Variants in PHF19 observed in about 807,000 individuals in gnomAD.
PHF19 encodes the protein PHD finger protein 19, also known as polycomb like 3.
In PHF19, 21 loss-of-function variants were observed where a neutral mutation model predicts 79.8. The ratio of observed to expected loss-of-function variants is 0.26; its 90% confidence interval spans 0.19 to 0.38. The LOEUF is 0.38. Ranked by LOEUF, PHF19 falls within the 10% of genes least tolerant of loss-of-function variation. The pLI is 1.00. For synonymous variants in PHF19, 273 were observed against 296.3 expected, an observed-to-expected ratio of 0.92 and a Z score of 0.81; for missense variants, 445 against 744.2, an observed-to-expected ratio of 0.60 and a Z score of 4.68.
Position 120,874,514 on chromosome 9 carries a change from G to C in PHF19, c.186+42C>G. 7.7e-7 allele frequency: 1 copy of C among 1,306,262 alleles called. No homozygotes were observed. The highest frequency in any genetic ancestry group is 1.1e-6 in the Non-Finnish European group (1 of 907,752). The allele number at this position is 1,306,262 out of a possible 1,614,324, so 80.9% of individuals were successfully genotyped here. A position where few individuals can be genotyped will look rare whatever the true frequency, so the allele number is the denominator to read the frequency against. ...AGCCAGGCTGGAACATGAGCAGAGA[G>C]ATTCTGAGTCTGAGAACAGGGGCCA... On this transcript the variant is annotated intron_variant, in intron 2 of 14. Coordinates refer to ENST00000373896, the MANE Select transcript of PHF19 (RefSeq NM_015651.3). This position sits in a 1 kb window ranked among gnomAD's most constrained non-coding sequence, Gnocchi z 4.5.
chr9:120,901,456 A>C, the PHF19 span, among the ~76,000 whole-genome samples: 2 of 152,078 alleles, frequency 1.3e-5, no homozygotes, highest in African/African-American at 4.8e-5. Context: ...TGGCTTCCCA[A>C]AGTGCTGGGA....
intron 1 of PHF19, among the ~76,000 whole-genome samples, chr9:120,894,036 G>C (rs1177628311): frequency 6.6e-6 from 1 of 152,144 alleles, no homozygotes; most frequent in Admixed American, 6.5e-5. Flanking sequence ...ACAAGCCCAG[G>C]GGTGATCCCA....
At chr9:120,880,405 G>A (rs1408861885), upstream of PHF19, among the ~76,000 whole-genome samples, 1 of 152,074 alleles carries the variant, frequency 6.6e-6, no homozygotes, top group Non-Finnish European at 1.5e-5. Flanking sequence ...TGAGACAGGA[G>A]AATTGTTTGA....
At chr9:120,883,570 G>A (rs2046219946) in intron 1 of PHF19, among the ~76,000 whole-genome samples, 1 of 152,064 alleles carries the variant, frequency 6.6e-6, no homozygotes, top group Non-Finnish European at 1.5e-5. Context: ...CCCAGCCTGG[G>A]CAACTTGGTG....
Position 120,861,973 on chromosome 9 carries a change from C to T in PHF19, c.1163G>A (p.Arg388Lys). 1.2e-6 allele frequency: 2 copies of T among 1,613,986 alleles called. No homozygotes were observed. Among genetic ancestry groups the T allele is most frequent in the Non-Finnish European group, 1.7e-6 (2 of 1,179,808 alleles). Reference protein sequence around the residue: ...LLPHEFQQQKRRVYRRKRSKF... With the variant: ...LLPHEFQQQKKRVYRRKRSKF... ...TGATCTTTTTCTTCTATAAACTCGC[C>T]TTTTCTGCTGCTGGAATTCGTGAGG... Residue 388 changes from arginine to lysine, a missense_variant, in exon 12 of 15, where the codon AGG (arginine) becomes AAG (lysine). By Grantham distance (26) the Arg-to-Lys change is conservative (BLOSUM62 2). Transcript: ENST00000373896.
rs1298643481 is a variant in PHF19 at position 120,862,784 on chromosome 9, G to A, written c.969-35C>T. The A allele has an allele frequency of 6.2e-7, 1 of 1,606,392 alleles. No individual in the cohort carries two copies. On this transcript the variant is annotated intron_variant, in intron 10 of 14. Coordinates refer to ENST00000373896, the MANE Select transcript of PHF19 (RefSeq NM_015651.3). This position sits in a 1 kb window ranked among gnomAD's most constrained non-coding sequence, Gnocchi z 4.6. ...GGCAGTGGGAGGAAGAAGCTCTGGA[G>A]TCTGTCAGTCCATCCTCCTGGGGAG...
chr9:120,900,276 C>T, the PHF19 span, among the ~76,000 whole-genome samples: 811 of 152,266 alleles, frequency 5.3e-3, 36 homozygotes, highest in Admixed American at 0.047. Flanking sequence ...CGTGAGCCAC[C>T]GCACCCGGCC....
At position 120,870,090 on chromosome 9, in the gene PHF19, ACCAAGATGG is replaced by A. The variant is rs764637974; in HGVS notation, c.365-154_365-146del. On this transcript the variant is annotated intron_variant, in intron 4 of 14. Transcript: ENST00000373896. The surrounding 1 kb of genome is among the most constrained non-coding windows in gnomAD (Gnocchi z 4.4). ...GCCGGGAGCCTGGCTGCTGGTGCCCACCAAGATGGCCAAGTCAGTGTCCAGGCTGGGAAC... is the reference window on the plus strand; with the variant it reads ...GCCGGGAGCCTGGCTGCTGGTGCCCACCAAGTCAGTGTCCAGGCTGGGAAC... 15 of 1,216,418 alleles carry A rather than the reference ACCAAGATGG, an allele frequency of 1.2e-5. No homozygotes were observed. Among genetic ancestry groups the A allele is most frequent in the Non-Finnish European group, 1.7e-5 (15 of 882,272 alleles). The allele number at this position is 1,216,418 out of a possible 1,614,324, so 75.4% of individuals were successfully genotyped here.
chr9:120,895,932 T>C (rs182398893), upstream of PHF19, among the ~76,000 whole-genome samples: 1 of 152,326 alleles, frequency 6.6e-6, no homozygotes, highest in East Asian at 1.9e-4. Flanking sequence ...GGATTACAGA[T>C]GGGAGCCACT....
At chr9:120,867,003 AC>A in intron 6 of PHF19, 38 bp from the exon 7 acceptor site, 1 of 1,232,750 alleles carries the variant, frequency 8.1e-7, no homozygotes. Flanking sequence ...CCAGGACCAC[AC>A]CCCCAGTCAG....
rs778014613 is a variant in PHF19, at chr9:120,869,785, C to G, written c.465+60G>C. 6.2e-7 allele frequency: 1 copy of G among 1,609,178 alleles called. No homozygotes were observed. The highest frequency in any genetic ancestry group is 2.2e-5 in the East Asian group (1 of 44,760). On this transcript the variant is annotated intron_variant, in intron 5 of 14. Coordinates refer to ENST00000373896, the MANE Select transcript of PHF19 (RefSeq NM_015651.3). This position sits in a 1 kb window ranked among gnomAD's most constrained non-coding sequence, Gnocchi z 5.8. ...AGCTCAGACTCTGTGATGGGAGTCT[C>G]TGGTCTGCCCCACTGGAGGAGGCAG...
At chr9:120,876,838 A>AG (rs2046075583) in intron 1 of PHF19, 1 of 268,736 alleles carries the variant, frequency 3.7e-6, no homozygotes, top group African/African-American at 2.3e-5. Context: ...CCCGATAGGA[A>AG]AATTAAAGAT....
chr9:120,877,194 C>T, upstream of PHF19: 1 of 983,062 alleles, frequency 1.0e-6, no homozygotes, highest in Non-Finnish European at 1.2e-6. Context: ...CGAGTGTCCG[C>T]CCGTGGGGCC....
upstream of PHF19, among the ~76,000 whole-genome samples, chr9:120,899,814 G>A (rs1423744841): frequency 1.3e-5 from 2 of 152,168 alleles, no homozygotes; most frequent in African/African-American, 2.4e-5. Flanking sequence ...AGTCCCACAA[G>A]GCAAATCCCC....
In PHF19 at chr9:120,874,403, C is replaced by T. The variant is rs760712151; in HGVS notation, c.186+153G>A. ...ACCCTAGGGATGGTGCCTGCAAGAC[C>T]AGGCTCTGGCCCCTCCCACCACCAG... On this transcript the variant is annotated intron_variant, in intron 2 of 14. Transcript: ENST00000373896. The surrounding 1 kb of genome is among the most constrained non-coding windows in gnomAD (Gnocchi z 4.5). 5.3e-5 allele frequency among the ~76,000 whole-genome samples: 8 copies of T among 152,164 alleles called. No individual in the cohort carries two copies. The highest frequency in any genetic ancestry group is 1.0e-4 in the Non-Finnish European group (7 of 68,014).
intron 1 of PHF19, among the ~76,000 whole-genome samples, chr9:120,889,879 G>A (rs1195729433): frequency 6.6e-6 from 1 of 151,914 alleles, no homozygotes; most frequent in East Asian, 1.9e-4. Flanking sequence ...GAAGGAAAGA[G>A]TGGACAGGCT....
rs2045703858 is a variant in PHF19 at position 120,866,431 on chromosome 9, C to A, written c.711-335G>T. On this transcript the variant is annotated intron_variant, in intron 7 of 14. Transcript: ENST00000373896. This position sits in a 1 kb window ranked among gnomAD's most constrained non-coding sequence, Gnocchi z 5.2. ...ATCACAAATGACATGAGACACCAAC[C>A]AAAAGATGCATAACATCAGGTTTGA... is the stretch of plus-strand genomic sequence containing the variant. 2.0e-5 allele frequency among the ~76,000 whole-genome samples: 3 copies of A among 152,156 alleles called. No homozygotes were observed.
chr9:120,900,845 C>T, the PHF19 span, among the ~76,000 whole-genome samples: 1 of 152,212 alleles, frequency 6.6e-6, no homozygotes, highest in Non-Finnish European at 1.5e-5. Flanking sequence ...GGATTAGAAG[C>T]GTGAGCCATT....
intron 10 of PHF19, among the ~76,000 whole-genome samples, chr9:120,863,380 A>C (rs1286800015): frequency 6.6e-6 from 1 of 151,926 alleles, no homozygotes; most frequent in Admixed American, 6.5e-5. Flanking sequence ...CCCCACCATG[A>C]CCTCAGCACC....
Sources: allele counts gnomAD v4.1 joint callset (sites outside exome capture counted in the v4.1 genomes callset), GRCh38; gene constraint gnomAD v4.1.1; non-coding constraint Gnocchi (gnomAD v3.1); transcripts MANE v1.5; gene names NCBI Gene and HGNC (gene_info 2026-07-23, HGNC 2026-07-21).